PLB1: variants seen among roughly 807,000 people sequenced by gnomAD.
PLB1 encodes phospholipase B1, membrane-associated.
PLB1 carries 242 observed loss-of-function variants against 227.4 expected under a neutral mutation model. That is an observed-to-expected ratio of 1.06 (90% CI 0.96 to 1.18). PLB1 has a LOEUF of 1.18. Ranked by LOEUF, PLB1 falls within the 50% of genes most tolerant of loss-of-function variation. The pLI is 0.00. For missense variants in PLB1, 1,858 were observed against 1,816.3 expected, an observed-to-expected ratio of 1.02 and a Z score of -0.42; for synonymous variants, 757 against 682.2, an observed-to-expected ratio of 1.11 and a Z score of -1.71.
intron 9 of PLB1, among the ~76,000 whole-genome samples, 154 bp downstream of exon 9, chr2:28,532,348 A>AGATGGATG (rs1290469563): frequency 6.8e-6 from 1 of 146,350 alleles, no homozygotes; most frequent in Non-Finnish European, 1.5e-5. Context: ...ATGGATGGAT[A>AGATGGATG]GATGGATGGA....
In PLB1 at chr2:28,581,482, CAAAAAAATAAATAAAT is replaced by C. The variant is rs1280436309; in HGVS notation, c.1567-582_1567-567del. 1.3e-3 allele frequency among the ~76,000 whole-genome samples: 73 copies of C among 58,310 alleles called. 3 individuals are homozygous for C. The highest frequency in any genetic ancestry group is 5.1e-3 in the African/African-American group (59 of 11,472). The allele number at this position is 58,310 out of a possible 152,430, so 38.3% of individuals were successfully genotyped here. A position where few individuals can be genotyped will look rare whatever the true frequency, so the allele number is the denominator to read the frequency against. ...TATGGAGTAGATCCAGAGCTCCACGCAAAAAAATAAATAAATAAATAAATAAATAAATAAATAAATA... is the reference window on the plus strand; with the variant it reads ...TATGGAGTAGATCCAGAGCTCCACGCAAATAAATAAATAAATAAATAAATA... On this transcript the variant is annotated intron_variant, in intron 23 of 57. Transcript: ENST00000327757.
At position 28,590,033 on chromosome 2, in the gene PLB1, G is replaced by A. The variant is rs142897830; in HGVS notation, c.2045G>A (p.Arg682His). ...GAGCCTGTTGGCCAGAAGACGACTC[G>A]TCATAAGTTTGAAAACAAGATCAAT... Reference protein sequence around the residue: ...MLEPVGQKTTRHKFENKINIT... With the variant: ...MLEPVGQKTTHHKFENKINIT... The change falls in exon 29 of 58, where the codon CGT becomes CAT. Residue 682 changes from arginine to histidine, a missense_variant. By Grantham distance (29) the Arg-to-His change is conservative. Coordinates refer to ENST00000327757, the MANE Select transcript of PLB1 (RefSeq NM_153021.5). 2,964 of 1,613,822 alleles carry A rather than the reference G, an allele frequency of 1.8e-3. 7 individuals carry two copies. Among genetic ancestry groups the A allele is most frequent in the South Asian group, 4.6e-3 (419 of 91,070 alleles).
chr2:28,610,793 G>A (rs1573416073), intron 43 of PLB1, among the ~76,000 whole-genome samples: 1 of 152,142 alleles, frequency 6.6e-6, no homozygotes, highest in South Asian at 2.1e-4. Flanking sequence ...CTCACATCAG[G>A]AGGCTGGCTG....
At chr2:28,626,541 G>C (rs745404501) in intron 51 of PLB1, 33 bp downstream of exon 51, 1 of 1,586,034 alleles carries the variant, frequency 6.3e-7, no homozygotes, top group African/African-American at 1.3e-5. Context: ...GGGGACCTGA[G>C]AAGGAAGGTG....
rs751724144 is a variant in PLB1 at position 28,590,066 on chromosome 2, GT to G, written c.2079del (p.Pro694ArgfsTer8). ...HKFENKINIT[C>X]PNQVQPFLRT... ...TTTGAAAACAAGATCAATATCACAT[GT>G]CCGAACCAGGTAGAGTGGAAAGCAC... On this transcript the variant is annotated frameshift_variant, in exon 29 of 58. Coordinates refer to ENST00000327757, the MANE Select transcript of PLB1 (RefSeq NM_153021.5). LOFTEE classifies it high-confidence loss of function. The G allele has an allele frequency of 5.0e-6, 8 of 1,612,072 alleles. No individual in the cohort carries two copies. In the African/African-American group the frequency reaches 1.1e-4, roughly 22 times the overall value.
At chr2:28,572,985 C>T (rs554980528) in intron 20 of PLB1, among the ~76,000 whole-genome samples, 29 of 152,320 alleles carry the variant, frequency 1.9e-4, no homozygotes, top group South Asian at 1.0e-3. Flanking sequence ...ACTCACATTT[C>T]TTCAACAATA....
At chr2:28,522,105 C>G (rs939090686) in intron 4 of PLB1, among the ~76,000 whole-genome samples, 1 of 148,736 alleles carries the variant, frequency 6.7e-6, no homozygotes, top group African/African-American at 2.4e-5. Flanking sequence ...TGGAACTTGG[C>G]TTGGACTCCC....
chr2:28,626,669 G>C, intron 51 of PLB1, 161 bp downstream of exon 51: 1 of 667,468 alleles, frequency 1.5e-6, no homozygotes. Context: ...TGCCAGGCAA[G>C]GCCCAGCCTT....
At chr2:28,509,907 C>T (rs1045108712) in intron 1 of PLB1, among the ~76,000 whole-genome samples, 1 of 152,118 alleles carries the variant, frequency 6.6e-6, no homozygotes, top group Admixed American at 6.6e-5. Context: ...CGGCCCATGT[C>T]GCTCCAAGGG....
At chr2:28,594,986 G>T in intron 33 of PLB1, 1 of 152,244 alleles carries the variant, frequency 6.6e-6, no homozygotes. Flanking sequence ...ACGATAGCAT[G>T]GGAAACAAAA....
intron 15 of PLB1, 67 bp downstream of exon 15, chr2:28,548,998 G>C (rs911452026): frequency 6.9e-7 from 1 of 1,441,614 alleles, no homozygotes; most frequent in African/African-American, 1.4e-5. Context: ...GGCCAAGTGG[G>C]CTTTGCTGTG....
At chr2:28,512,862 A>G (rs1374378939) in intron 1 of PLB1, among the ~76,000 whole-genome samples, 1 of 152,048 alleles carries the variant, frequency 6.6e-6, no homozygotes, top group African/African-American at 2.4e-5. Context: ...GCCAATTCTT[A>G]AGTCTCTCTT....
In PLB1 at chr2:28,589,689, C is replaced by G. The variant is rs1681540380; in HGVS notation, c.1935C>G (p.Asp645Glu). 6.2e-7 allele frequency: 1 copy of G among 1,613,976 alleles called. No homozygotes were observed. The highest frequency in any genetic ancestry group is 1.7e-5 in the Admixed American group (1 of 60,002). ...DMPKTSEGLP[D>E]NSFFAPDCFH... is the part of the protein sequence containing the mutation. ...CCGGTGACCAGGAAGGATTGCCTGA[C>G]AACTCTTTCTTCGCTCCTGACTGTT... The change falls in exon 28 of 58, where the codon GAC becomes GAG. Residue 645 changes from aspartate to glutamate, a missense_variant. By Grantham distance (45) the Asp-to-Glu change is conservative. Transcript: ENST00000327757.
chr2:28,634,827 C>A (rs1253752617), intron 56 of PLB1, among the ~76,000 whole-genome samples: 1 of 152,060 alleles, frequency 6.6e-6, no homozygotes, highest in Admixed American at 6.6e-5. Flanking sequence ...GAGAAGATCA[C>A]TTGAGCATGG....
intron 37 of PLB1, 148 bp downstream of exon 37, chr2:28,601,480 C>CAT (rs1472795548): frequency 3.1e-6 from 2 of 653,318 alleles, no homozygotes; most frequent in Non-Finnish European, 5.5e-6. Flanking sequence ...CACACACACA[C>CAT]ACACACACAC....
chr2:28,614,237 G>T (rs1685877312), intron 44 of PLB1, 141 bp downstream of exon 44: 2 of 861,088 alleles, frequency 2.3e-6, no homozygotes, highest in Non-Finnish European at 3.8e-6. Flanking sequence ...GTACAGAAAA[G>T]GCTCCCGGAC....
intron 17 of PLB1, among the ~76,000 whole-genome samples, chr2:28,557,665 A>G (rs991462860): frequency 1.3e-5 from 2 of 152,172 alleles, no homozygotes; most frequent in African/African-American, 4.8e-5. Flanking sequence ...CCCTCTGTAG[A>G]AATCGTGATG....
chr2:28,536,820 G>A (rs769336692), intron 9 of PLB1, among the ~76,000 whole-genome samples: 3 of 152,136 alleles, frequency 2.0e-5, no homozygotes, highest in Admixed American at 6.5e-5. Flanking sequence ...TTGGTGTCCC[G>A]AGCGACAACC....
At chr2:28,625,172 A>G in intron 50 of PLB1, 64 bp downstream of exon 50, 1 of 1,459,364 alleles carries the variant, frequency 6.9e-7, no homozygotes, top group African/African-American at 1.4e-5. Context: ...GGGAGGGGAC[A>G]GCCCCATAAG....
Sources: gnomAD v4.1 joint callset for allele counts (sites outside exome capture counted in the v4.1 genomes callset) on GRCh38, gnomAD v4.1.1 for gene constraint, MANE v1.5 for transcripts, NCBI Gene and HGNC (gene_info 2026-07-23, HGNC 2026-07-21) for gene names.